DCT: variants seen among roughly 807,000 people sequenced by gnomAD.
The protein encoded by DCT is L-dopachrome tautomerase.
DCT carries 47 observed loss-of-function variants against 53.0 expected under a neutral mutation model. That is an observed-to-expected ratio of 0.89 (90% CI 0.70 to 1.13). The LOEUF (loss-of-function observed/expected upper bound fraction) is 1.13. Ranked by LOEUF, DCT falls within the 50% of genes most tolerant of loss-of-function variation. DCT has a pLI of 0.00. For synonymous variants in DCT, 244 were observed against 237.0 expected, an observed-to-expected ratio of 1.03 and a Z score of -0.27; for missense variants, 669 against 637.4, an observed-to-expected ratio of 1.05 and a Z score of -0.53.
upstream of DCT, among the ~76,000 whole-genome samples, chr13:94,482,890 C>T (rs1190807954): frequency 6.6e-6 from 1 of 152,148 alleles, no homozygotes; most frequent in Non-Finnish European, 1.5e-5. Context: ...ATGAACTCCC[C>T]CCTCAGTATT....
chr13:94,535,473 A>G, the DCT span, among the ~76,000 whole-genome samples: 1 of 152,230 alleles, frequency 6.6e-6, no homozygotes, highest in Non-Finnish European at 1.5e-5. Flanking sequence ...ACTGAAGGAT[A>G]GTTTTCATAT....
At chr13:94,460,341 A>G (rs1883701881) in intron 5 of DCT, 115 bp from the exon 6 acceptor site, 1 of 930,780 alleles carries the variant, frequency 1.1e-6, no homozygotes, top group Non-Finnish European at 1.6e-6. Flanking sequence ...GGATATGGGA[A>G]GCTCTGTCAT....
chr13:94,481,696 C>T (rs138726605), upstream of DCT, among the ~76,000 whole-genome samples: 1 of 152,154 alleles, frequency 6.6e-6, no homozygotes, highest in African/African-American at 2.4e-5. Flanking sequence ...TGACTTTGAC[C>T]TCAGTTGTGA....
At chr13:94,469,283 T>C (rs1884460772) in intron 1 of DCT, among the ~76,000 whole-genome samples, 1 of 152,218 alleles carries the variant, frequency 6.6e-6, no homozygotes, top group Non-Finnish European at 1.5e-5. Flanking sequence ...AAATACACTG[T>C]ATACTGCAAT....
chr13:94,478,669 A>G (rs1190771045), intron 1 of DCT, among the ~76,000 whole-genome samples: 1 of 152,252 alleles, frequency 6.6e-6, no homozygotes, highest in Non-Finnish European at 1.5e-5. Context: ...GACGCTTTTA[A>G]GCTCTTAAAT....
chr13:94,540,656 G>T, the DCT span, among the ~76,000 whole-genome samples: 5 of 152,164 alleles, frequency 3.3e-5, no homozygotes, highest in African/African-American at 1.2e-4. Context: ...ACAGATGCTG[G>T]TGAGGATGTG....
Position 94,465,968 on chromosome 13 carries a change from T to TTATATATATATATA in DCT, c.697-183_697-170dup, listed in dbSNP as rs3044355. On this transcript the variant is annotated intron_variant, in intron 3 of 7. Transcript: ENST00000377028. Reference sequence around the variant, plus strand: ...TGACATAAATCAGTGTGTGTATATTTTATATATATATATATATATATATAT... The same window carrying TTATATATATATATA: ...TGACATAAATCAGTGTGTGTATATTTTATATATATATATATATATATATATATATATATATATAT... 3.1e-4 allele frequency among the ~76,000 whole-genome samples: 24 copies of TTATATATATATATA among 77,820 alleles called. 1 individual carries two copies. Among genetic ancestry groups the TTATATATATATATA allele is most frequent in the East Asian group, 1.2e-3 (1 of 840 alleles). 51.1% of individuals were successfully genotyped at this position (77,820 alleles called of 152,430 possible). A position where few individuals can be genotyped will look rare whatever the true frequency, so the allele number is the denominator to read the frequency against.
In DCT at chr13:94,462,219, A is replaced by T. The variant is rs1472431137; in HGVS notation, c.864-30T>A. On this transcript the variant is annotated intron_variant, in intron 4 of 7. Transcript: ENST00000377028. Reference sequence around the variant, plus strand: ...GATTTGTAATAAGATTTAAAATAATATATGTTGGCTGGGCACAGTGGCTCA... The same window carrying T: ...GATTTGTAATAAGATTTAAAATAATTTATGTTGGCTGGGCACAGTGGCTCA... The T allele has an allele frequency of 3.8e-6, 6 of 1,573,622 alleles. No homozygotes were observed. In the African/African-American group the frequency reaches 4.1e-5, roughly 11 times the overall value.
At chr13:94,445,799 A>C (rs775694325) in intron 6 of DCT, 16 of 1,457,616 alleles carry the variant, frequency 1.1e-5, no homozygotes, top group Non-Finnish European at 1.3e-5. Flanking sequence ...TTTTGTTTGT[A>C]GTTCTTACAT....
the DCT span, among the ~76,000 whole-genome samples, chr13:94,534,051 C>A: frequency 1.3e-5 from 2 of 152,002 alleles, no homozygotes; most frequent in East Asian, 3.8e-4. Context: ...TCCAATAGAA[C>A]AAGATCAAAA....
chr13:94,476,570 G>T (rs1885101541), intron 1 of DCT, among the ~76,000 whole-genome samples: 1 of 151,220 alleles, frequency 6.6e-6, no homozygotes, highest in Admixed American at 6.6e-5. Context: ...CCACCTCCTG[G>T]GTTCAAGTGA....
At chr13:94,511,642 G>T in the DCT span, among the ~76,000 whole-genome samples, 1 of 152,056 alleles carries the variant, frequency 6.6e-6, no homozygotes, top group Non-Finnish European at 1.5e-5. Context: ...TTACAGGCGT[G>T]AGCCACCGCA....
chr13:94,522,631 G>A, the DCT span, among the ~76,000 whole-genome samples: 61,376 of 152,074 alleles, frequency 0.4, 13,164 homozygotes, highest in East Asian at 0.62. Flanking sequence ...AAAAAAAAGT[G>A]AGACGTAGTC....
the DCT span, among the ~76,000 whole-genome samples, chr13:94,518,019 G>A: frequency 6.6e-6 from 1 of 151,124 alleles, no homozygotes; most frequent in African/African-American, 2.4e-5. Flanking sequence ...GAGGTGGGAC[G>A]ATCACTTGAG....
At chr13:94,490,244 C>T in the DCT span, among the ~76,000 whole-genome samples, 1 of 152,074 alleles carries the variant, frequency 6.6e-6, no homozygotes, top group East Asian at 1.9e-4. Context: ...GTGGCTCATG[C>T]CTGTAATCCC....
At chr13:94,508,915 G>A in the DCT span, among the ~76,000 whole-genome samples, 207 of 152,266 alleles carry the variant, frequency 1.4e-3, 1 homozygote, top group Non-Finnish European at 2.5e-3. Context: ...TAAATTAAAC[G>A]ACTTTGAAAG....
At chr13:94,517,307 G>A in the DCT span, among the ~76,000 whole-genome samples, 4 of 152,140 alleles carry the variant, frequency 2.6e-5, no homozygotes, top group Non-Finnish European at 5.9e-5. Context: ...CAAGGTCCAT[G>A]TTGACACTCA....
At position 94,438,409 on chromosome 13, in the gene DCT, T is replaced by C. The variant is rs971361024; in HGVS notation, c.*1489A>G. 1 of 240,112 alleles carries C rather than the reference T, an allele frequency of 4.2e-6. No individual in the cohort carries two copies. The highest frequency in any genetic ancestry group is 8.5e-6 in the Non-Finnish European group (1 of 118,000). 14.9% of individuals were successfully genotyped at this position (240,112 alleles called of 1,614,324 possible). A position where few individuals can be genotyped will look rare whatever the true frequency, so the allele number is the denominator to read the frequency against. On this transcript the variant is annotated 3_prime_UTR_variant, in exon 8 of 8. Coordinates refer to ENST00000377028, the MANE Select transcript of DCT (RefSeq NM_001922.5). ...ATTCAAATTCAGTTCCAACTGGGCT[T>C]TGTCCATTTCTCTGGCTTTAGCAGT... is the stretch of plus-strand genomic sequence containing the variant.
the DCT span, among the ~76,000 whole-genome samples, chr13:94,536,178 T>C: frequency 6.6e-6 from 1 of 152,198 alleles, no homozygotes; most frequent in African/African-American, 2.4e-5. Flanking sequence ...CAGGAGCCAA[T>C]GGTCGATACA....
Sources: gnomAD v4.1 joint callset for allele counts (sites outside exome capture counted in the v4.1 genomes callset) on GRCh38, gnomAD v4.1.1 for gene constraint, MANE v1.5 for transcripts, NCBI Gene and HGNC (gene_info 2026-07-23, HGNC 2026-07-21) for gene names.